The following LCP2 variants were observed in gnomAD, a reference collection of about 807,000 sequenced individuals.
The protein encoded by LCP2 is lymphocyte cytosolic protein 2.
Under a neutral mutation model 74.5 loss-of-function variants are expected in LCP2, and 29 were observed. The ratio of observed to expected loss-of-function variants is 0.39; its 90% CI spans 0.29 to 0.53. LCP2 has a LOEUF of 0.53. LCP2 is among the 20% of genes least tolerant of loss of function. LCP2 has a pLI of 0.72. For synonymous variants in LCP2, 228 were observed against 229.5 expected, an observed-to-expected ratio of 0.99 and a Z score of 0.06; for missense variants, 604 against 634.6, an observed-to-expected ratio of 0.95 and a Z score of 0.52.
intron 3 of LCP2, among the ~76,000 whole-genome samples, chr5:170,280,180 C>T (rs1373797610): frequency 1.3e-5 from 2 of 151,980 alleles, no homozygotes; most frequent in Non-Finnish European, 2.9e-5. Flanking sequence ...GACCAAAGCC[C>T]TCCCACAGTG....
At chr5:170,261,225 A>G (rs887099498) in intron 13 of LCP2, 88 bp from the exon 14 acceptor site, 1 of 1,013,698 alleles carries the variant, frequency 9.9e-7, no homozygotes, top group African/African-American at 1.6e-5. Flanking sequence ...TCATTGAATA[A>G]TGAGAAATCG....
At position 170,297,431 on chromosome 5, in the gene LCP2, T is replaced by C. The variant is rs144392988; in HGVS notation, c.78+103A>G. ...AAGTTGCCATAGGGTTCCATTGCTATCTTATACACCTCCCACATTCTGCCC... is the reference window on the plus strand; with the variant it reads ...AAGTTGCCATAGGGTTCCATTGCTACCTTATACACCTCCCACATTCTGCCC... On this transcript the variant is annotated intron_variant, in intron 1 of 20. Coordinates refer to ENST00000046794, the MANE Select transcript of LCP2 (RefSeq NM_005565.5). The C allele has an allele frequency of 1.4e-4, 138 of 1,020,870 alleles. No individual in the cohort carries two copies. The East Asian group carries it at 3.5e-3, about 26-fold the overall frequency. The allele number at this position is 1,020,870 out of a possible 1,614,324, so 63.2% of individuals were successfully genotyped here. A position where few individuals can be genotyped will look rare whatever the true frequency, so the allele number is the denominator to read the frequency against.
Position 170,274,354 on chromosome 5 carries a change from A to G in LCP2, c.287-16T>C. ...TCGTGGCTTTCTGTGGAAGGAGATGACACCACCATCAGCACTGAAGAAAAG... is the reference window on the plus strand; with the variant it reads ...TCGTGGCTTTCTGTGGAAGGAGATGGCACCACCATCAGCACTGAAGAAAAG... On this transcript the variant is annotated splice_polypyrimidine_tract_variant and intron_variant, in intron 5 of 20. Coordinates refer to ENST00000046794, the MANE Select transcript of LCP2 (RefSeq NM_005565.5). 1 of 1,612,284 alleles carries G rather than the reference A, an allele frequency of 6.2e-7. No individual in the cohort carries two copies. Among genetic ancestry groups the G allele is most frequent in the Non-Finnish European group, 8.5e-7 (1 of 1,179,170 alleles).
rs1324871559 is a variant in LCP2 at position 170,266,990 on chromosome 5, G to A, written c.688+19C>T. On this transcript the variant is annotated intron_variant, in intron 9 of 20. Transcript: ENST00000046794. Reference sequence around the variant, plus strand: ...TGCCTGGTGGGAACAGGGCAAGAGAGAGCAGCCCTTGTACTCACGCTTTGC... The same window carrying A: ...TGCCTGGTGGGAACAGGGCAAGAGAAAGCAGCCCTTGTACTCACGCTTTGC... The A allele has an allele frequency of 3.1e-6, 5 of 1,613,726 alleles. No homozygotes were observed. Among genetic ancestry groups the A allele is most frequent in the Non-Finnish European group, 4.2e-6 (5 of 1,179,766 alleles).
intron 2 of LCP2, among the ~76,000 whole-genome samples, chr5:170,290,943 G>T (rs1762277305): frequency 1.9e-5 from 2 of 105,018 alleles, no homozygotes; most frequent in African/African-American, 8.1e-5. Context: ...AAAGAAGAAA[G>T]AAAGAAAGAA....
chr5:170,266,410 G>A (rs1025900410), intron 10 of LCP2, among the ~76,000 whole-genome samples: 2 of 152,204 alleles, frequency 1.3e-5, no homozygotes, highest in African/African-American at 4.8e-5. Flanking sequence ...AGCAGGCAAG[G>A]CAGCAGACAA....
intron 10 of LCP2, among the ~76,000 whole-genome samples, chr5:170,264,411 GC>G (rs1761712147): frequency 6.6e-6 from 1 of 152,202 alleles, no homozygotes. Flanking sequence ...GTGCCCTATG[GC>G]GAATGGTGAT....
intron 7 of LCP2, chr5:170,270,404 C>T (rs960516108): frequency 1.1e-5 from 3 of 277,496 alleles, no homozygotes; most frequent in African/African-American, 2.2e-5. Flanking sequence ...TGAGTTGAAA[C>T]TGCCAAATAG....
chr5:170,278,464 A>AG (rs1403741074), intron 3 of LCP2, among the ~76,000 whole-genome samples: 2 of 12,874 alleles, frequency 1.6e-4, no homozygotes, highest in Admixed American at 1.3e-3. Flanking sequence ...ATGGGAGTGC[A>AG]GGGGTGGGGG....
At chr5:170,250,691 TAAAG>T in intron 20 of LCP2, 35 bp downstream of exon 20, 1 of 1,573,160 alleles carries the variant, frequency 6.4e-7, no homozygotes, top group Non-Finnish European at 8.8e-7. Flanking sequence ...GTGGCATAAA[TAAAG>T]ACTTTGGGAA....
intron 7 of LCP2, 92 bp from the exon 8 acceptor site, chr5:170,268,574 G>A (rs1761817043): frequency 5.8e-6 from 1 of 172,368 alleles, no homozygotes; most frequent in South Asian, 1.0e-4. Context: ...GGCACCGGGG[G>A]TGCATGATCC....
At position 170,256,520 on chromosome 5, in the gene LCP2, A is replaced by G. The variant is rs757625384; in HGVS notation, c.1150+6T>C. On this transcript the variant is annotated splice_donor_region_variant and intron_variant, in intron 17 of 20. Transcript: ENST00000046794. This position sits in a 1 kb window ranked among gnomAD's most constrained non-coding sequence, Gnocchi z 4.5. ...GAAGCACGTCACAAAAGCCCAGAGT[A>G]CAAACCTTGAGAGAAGTATGGTGGC... The G allele has an allele frequency of 6.2e-7, 1 of 1,611,668 alleles. No homozygotes were observed. The highest frequency in any genetic ancestry group is 1.1e-5 in the South Asian group (1 of 91,026).
In LCP2 at chr5:170,297,638, A is replaced by G. The variant is rs769603550; in HGVS notation, c.-27T>C. The G allele has an allele frequency of 6.3e-7, 1 of 1,592,286 alleles. No individual in the cohort carries two copies. Among genetic ancestry groups the G allele is most frequent in the Non-Finnish European group, 8.6e-7 (1 of 1,167,888 alleles). ...GCTGCTCTCCCGGGAAGAAGCTCAC[A>G]AGCTGAGCATGGGCGCTTCACCCAT... On this transcript the variant is annotated 5_prime_UTR_variant, in exon 1 of 21. Coordinates refer to ENST00000046794, the MANE Select transcript of LCP2 (RefSeq NM_005565.5).
At chr5:170,289,273 C>A (rs1762235797) in intron 2 of LCP2, among the ~76,000 whole-genome samples, 1 of 152,190 alleles carries the variant, frequency 6.6e-6, no homozygotes, top group Non-Finnish European at 1.5e-5. Context: ...GGAATTACTA[C>A]CCCTGGTGGG....
At chr5:170,252,200 C>T in intron 19 of LCP2, 1 of 350,464 alleles carries the variant, frequency 2.9e-6, no homozygotes, top group South Asian at 6.5e-5. Flanking sequence ...TAAGATGCTG[C>T]CAACCAAATG....
intron 14 of LCP2, among the ~76,000 whole-genome samples, chr5:170,260,435 C>T (rs1228722306): frequency 1.3e-5 from 2 of 152,314 alleles, no homozygotes; most frequent in Non-Finnish European, 2.9e-5. Flanking sequence ...GGGTTCAGAT[C>T]CTGGCTCTTT....
intron 3 of LCP2, among the ~76,000 whole-genome samples, chr5:170,277,116 C>T (rs1484084075): frequency 6.8e-6 from 1 of 147,394 alleles, no homozygotes; most frequent in Non-Finnish European, 1.5e-5. Flanking sequence ...CTTGAAGCCA[C>T]ATAGTAGTTA....
At chr5:170,275,177 C>A in intron 5 of LCP2, 143 bp downstream of exon 5, 1 of 869,842 alleles carries the variant, frequency 1.1e-6, no homozygotes. Flanking sequence ...GACCCAAACC[C>A]TTTTCTGGGT....
At chr5:170,269,760 G>A (rs977990155) in intron 7 of LCP2, among the ~76,000 whole-genome samples, 7 of 152,184 alleles carry the variant, frequency 4.6e-5, no homozygotes, top group Non-Finnish European at 8.8e-5. Flanking sequence ...GTCCCTTGGC[G>A]AGGGCTGTCT....
Sources: gnomAD v4.1 joint callset for allele counts (sites outside exome capture counted in the v4.1 genomes callset) on GRCh38, gnomAD v4.1.1 for gene constraint, Gnocchi (gnomAD v3.1) non-coding constraint, MANE v1.5 for transcripts, NCBI Gene and HGNC (gene_info 2026-07-23, HGNC 2026-07-21) for gene names.